INPP4B: variants seen among roughly 807,000 people sequenced by gnomAD.
INPP4B encodes the protein inositol polyphosphate-4-phosphatase type II B.
Under a neutral mutation model 122.5 loss-of-function variants are expected in INPP4B, and 55 were observed. The observed-to-expected ratio is 0.45, with a 90% CI of 0.36 to 0.56. The LOEUF is 0.56. Among genes scored for constraint, INPP4B ranks in the 20% least tolerant of loss-of-function variants. The probability of loss-of-function intolerance (pLI) is 0.00; values close to 1 mark genes in which losing one functional copy is unlikely to be tolerated. For missense variants in INPP4B, 1,000 were observed against 1,097.7 expected (o/e 0.91, Z 1.26); for synonymous variants, 403 against 388.7 (o/e 1.04, Z -0.43).
At chr4:142,703,383 G>C (rs980379637) in intron 2 of INPP4B, among the ~76,000 whole-genome samples, 2 of 152,132 alleles carry the variant, frequency 1.3e-5, no homozygotes, top group Non-Finnish European at 2.9e-5. Context: ...TCAATGGTTA[G>C]GTCACAATAC....
intron 8 of INPP4B, among the ~76,000 whole-genome samples, chr4:142,307,813 A>T (rs972670507): frequency 1.3e-5 from 2 of 152,180 alleles, no homozygotes; most frequent in African/African-American, 4.8e-5. Context: ...CCAAAATTGC[A>T]AATTATTTTC....
At chr4:142,706,869 T>C (rs1327344703) in intron 2 of INPP4B, among the ~76,000 whole-genome samples, 4 of 152,368 alleles carry the variant, frequency 2.6e-5, no homozygotes, top group East Asian at 1.9e-4. Flanking sequence ...TTCTGGCTTA[T>C]TCTTTACACC....
chr4:142,254,289 C>T (rs1345457836), intron 11 of INPP4B, among the ~76,000 whole-genome samples: 3 of 147,176 alleles, frequency 2.0e-5, no homozygotes, highest in Non-Finnish European at 4.5e-5. Context: ...CTCTAAAAAG[C>T]AGAGCGCCTC....
chr4:142,757,799 G>A (rs1770722424), intron 1 of INPP4B, among the ~76,000 whole-genome samples: 2 of 152,054 alleles, frequency 1.3e-5, no homozygotes, highest in Admixed American at 1.3e-4. Flanking sequence ...TGGATCTTAG[G>A]GTAAGAATAT....
intron 2 of INPP4B, among the ~76,000 whole-genome samples, chr4:142,578,595 T>A (rs1161302516): frequency 2.6e-5 from 4 of 151,906 alleles, no homozygotes; most frequent in Non-Finnish European, 5.9e-5. Context: ...GTGTTCAAAT[T>A]TCCTCTTCTT....
chr4:142,624,413 T>A (rs1239782207), intron 2 of INPP4B, among the ~76,000 whole-genome samples: 1 of 151,640 alleles, frequency 6.6e-6, no homozygotes, highest in Admixed American at 6.6e-5. Flanking sequence ...TTTGATGGGG[T>A]TGTTTGTTTT....
intron 2 of INPP4B, among the ~76,000 whole-genome samples, chr4:142,680,797 T>A (rs1051251018): frequency 6.6e-6 from 1 of 151,854 alleles, no homozygotes; most frequent in Non-Finnish European, 1.5e-5. Flanking sequence ...GCTTTGGGCT[T>A]AGGACTAGGT....
chr4:142,771,222 C>T (rs992085562), intron 1 of INPP4B, among the ~76,000 whole-genome samples: 3 of 151,992 alleles, frequency 2.0e-5, no homozygotes, highest in Non-Finnish European at 4.4e-5. Context: ...TGTCACCATA[C>T]CACATGAACA....
At chr4:142,630,698 A>G (rs1009924289) in intron 2 of INPP4B, among the ~76,000 whole-genome samples, 3 of 152,128 alleles carry the variant, frequency 2.0e-5, no homozygotes, top group Non-Finnish European at 4.4e-5. Context: ...TTTTGGAGCT[A>G]CTTTTCTGAG....
intron 21 of INPP4B, among the ~76,000 whole-genome samples, chr4:142,115,390 C>T (rs907549052): frequency 6.6e-6 from 1 of 151,990 alleles, no homozygotes; most frequent in Non-Finnish European, 1.5e-5. Flanking sequence ...TGAAGGAAAA[C>T]ATGTTAAGGG....
chr4:142,327,017 ACTTT>A (rs1772630309), intron 7 of INPP4B, among the ~76,000 whole-genome samples: 1 of 152,150 alleles, frequency 6.6e-6, no homozygotes, highest in African/African-American at 2.4e-5. Flanking sequence ...ACTGATGGTG[ACTTT>A]GTCTTCCCTA....
intron 3 of INPP4B, among the ~76,000 whole-genome samples, chr4:142,444,638 C>T (rs193055964): frequency 2.6e-5 from 4 of 152,060 alleles, no homozygotes; most frequent in Admixed American, 2.6e-4. Context: ...TACCATTTGA[C>T]CCAGCAATTC....
chr4:142,163,337 G>T (rs930520358), intron 16 of INPP4B, among the ~76,000 whole-genome samples: 1 of 151,856 alleles, frequency 6.6e-6, no homozygotes, highest in Non-Finnish European at 1.5e-5. Flanking sequence ...CAGTGTATCC[G>T]TGCTGTATAT....
chr4:142,623,930 G>A lies in INPP4B; in HGVS notation c.-191+101909C>T, dbSNP rs558062550. On this transcript the variant is annotated intron_variant, in intron 2 of 25. Coordinates refer to ENST00000262992, the MANE Select transcript of INPP4B (RefSeq NM_001101669.3). ...TTTTTATGGCTGCATAGTATTCCACGGTGTATATGTGCCACATTTTCTTAA... is the reference window on the plus strand; with the variant it reads ...TTTTTATGGCTGCATAGTATTCCACAGTGTATATGTGCCACATTTTCTTAA... 8.5e-5 allele frequency among the ~76,000 whole-genome samples: 13 copies of A among 152,070 alleles called. No homozygotes were observed. In the East Asian group the frequency reaches 9.7e-4, roughly 11 times the overall value.
chr4:142,226,327 C>A (rs1035683538), intron 12 of INPP4B, among the ~76,000 whole-genome samples: 12 of 152,258 alleles, frequency 7.9e-5, no homozygotes, highest in African/African-American at 2.2e-4. Context: ...GTCTTCCTTG[C>A]ACCCATAATT....
chr4:142,118,132 C>G (rs1290971991), intron 21 of INPP4B, among the ~76,000 whole-genome samples: 5 of 151,858 alleles, frequency 3.3e-5, no homozygotes, highest in East Asian at 1.9e-4. Context: ...CACTGCTCAA[C>G]GAAATAAAAG....
intron 7 of INPP4B, among the ~76,000 whole-genome samples, chr4:142,338,560 A>C (rs1777634465): frequency 6.6e-6 from 1 of 152,166 alleles, no homozygotes; most frequent in South Asian, 2.1e-4. Context: ...TATTGCTGCT[A>C]TATGGAAATC....
intron 1 of INPP4B, among the ~76,000 whole-genome samples, chr4:142,807,234 G>C (rs1038416074): frequency 1.3e-5 from 2 of 152,112 alleles, no homozygotes; most frequent in Admixed American, 1.3e-4. Context: ...TATATAAGTA[G>C]AAAGGTAACA....
intron 18 of INPP4B, among the ~76,000 whole-genome samples, chr4:142,128,342 TACACAC>T (rs3836673): frequency 0.015 from 2,202 of 147,528 alleles, 29 homozygotes; most frequent in East Asian, 0.053. Flanking sequence ...CGTACTTTTA[TACACAC>T]ACACACACAC....
Sources: gnomAD v4.1 joint callset for allele counts (sites outside exome capture counted in the v4.1 genomes callset) on GRCh38, gnomAD v4.1.1 for gene constraint, MANE v1.5 for transcripts, NCBI Gene and HGNC (gene_info 2026-07-23, HGNC 2026-07-21) for gene names.